The following ARHGAP24 variants were observed in gnomAD, a reference collection of about 807,000 sequenced individuals.
ARHGAP24 encodes rho GTPase-activating protein 24.
A neutral mutation model predicts 76.4 loss-of-function variants in ARHGAP24; 50 were observed. That is an observed-to-expected ratio of 0.65 (90% CI 0.52 to 0.83). The LOEUF (loss-of-function observed/expected upper bound fraction) is 0.83, where lower values mean the gene tolerates loss of function less well. Among genes scored for constraint, ARHGAP24 ranks in the 40% least tolerant of loss-of-function variants. ARHGAP24 has a pLI of 0.00. For missense variants in ARHGAP24, 930 were observed against 914.2 expected (o/e 1.02, Z -0.22); for synonymous variants, 345 against 323.3 (o/e 1.07, Z -0.72).
At chr4:85,582,384 A>T (rs1727649757) in intron 2 of ARHGAP24, among the ~76,000 whole-genome samples, 1 of 152,108 alleles carries the variant, frequency 6.6e-6, no homozygotes, top group African/African-American at 2.4e-5. Context: ...TGATAAATAT[A>T]GTGTTTATTT....
chr4:85,820,411 A>G (rs1415725822), intron 3 of ARHGAP24, among the ~76,000 whole-genome samples: 1 of 152,138 alleles, frequency 6.6e-6, no homozygotes, highest in African/African-American at 2.4e-5. Context: ...ACATGCTCTC[A>G]CTTATAAGTG....
At chr4:85,816,763 T>C (rs1375195826) in intron 3 of ARHGAP24, among the ~76,000 whole-genome samples, 1 of 152,182 alleles carries the variant, frequency 6.6e-6, no homozygotes, top group Admixed American at 6.5e-5. Flanking sequence ...ACTGATTTCA[T>C]TTAATTGGAT....
At chr4:85,605,547 A>G (rs1720166204) in intron 2 of ARHGAP24, among the ~76,000 whole-genome samples, 1 of 152,226 alleles carries the variant, frequency 6.6e-6, no homozygotes, top group South Asian at 2.1e-4. Context: ...CATTCATACA[A>G]CAAGAGCTAT....
intron 4 of ARHGAP24, among the ~76,000 whole-genome samples, chr4:85,936,665 T>C (rs1291384528): frequency 6.6e-6 from 1 of 152,166 alleles, no homozygotes; most frequent in Non-Finnish European, 1.5e-5. Context: ...AAATAAATAA[T>C]TTCCATGCAA....
At chr4:85,778,824 G>A (rs1289685444) in intron 3 of ARHGAP24, 13 of 985,254 alleles carry the variant, frequency 1.3e-5, no homozygotes, top group African/African-American at 1.7e-5. Flanking sequence ...TGAAAGGAAT[G>A]GTTTGTGTCC....
intron 2 of ARHGAP24, among the ~76,000 whole-genome samples, chr4:85,714,340 G>A (rs1724653041): frequency 6.6e-6 from 1 of 152,088 alleles, no homozygotes; most frequent in Non-Finnish European, 1.5e-5. Flanking sequence ...ATGCTCTCCT[G>A]TTAGTCTCCT....
chr4:85,570,418 C>A, intron 1 of ARHGAP24, 104 bp from the exon 2 acceptor site: 7 of 339,778 alleles, frequency 2.1e-5, no homozygotes, highest in African/African-American at 4.7e-5. Flanking sequence ...TTCTTTCTTT[C>A]CTCTCTCTCT....
chr4:85,664,005 G>C (rs74921001), intron 2 of ARHGAP24, among the ~76,000 whole-genome samples: 142,113 of 151,240 alleles, frequency 0.94, 66,864 homozygotes, highest in African/African-American at 0.98. Flanking sequence ...CTCTGCCCAG[G>C]TTTGGTATCA....
intron 3 of ARHGAP24, chr4:85,723,372 A>G (rs1377027906): frequency 6.6e-6 from 1 of 152,210 alleles, no homozygotes; most frequent in Non-Finnish European, 1.5e-5. Context: ...TATTTTCAAT[A>G]CTGTTTTAGA....
chr4:85,914,721 G>A (rs979930991), intron 3 of ARHGAP24, among the ~76,000 whole-genome samples: 7 of 152,100 alleles, frequency 4.6e-5, no homozygotes, highest in African/African-American at 1.4e-4. Context: ...ACCGTTAGAG[G>A]ACATCCTGAT....
rs540564557 is a variant in ARHGAP24 at position 85,950,905 on chromosome 4, C to T, written c.599+8632C>T. Among the ~76,000 whole-genome samples the T allele has an allele frequency of 7.2e-5, 11 of 152,224 alleles. No homozygotes were observed. The South Asian group carries it at 2.3e-3, about 32-fold the overall frequency. ...TGTTGGCTAGGCTGGTCTTGAACTC[C>T]TGACCTCAGGTGATCCACCCACCTC... On this transcript the variant is annotated intron_variant, in intron 5 of 9. Coordinates refer to ENST00000395184, the MANE Select transcript of ARHGAP24 (RefSeq NM_001025616.3).
chr4:85,675,817 G>T (rs922290624), intron 2 of ARHGAP24, among the ~76,000 whole-genome samples: 2 of 152,056 alleles, frequency 1.3e-5, no homozygotes, highest in Non-Finnish European at 2.9e-5. Context: ...TGATGTTTAT[G>T]TGCTCCTATC....
chr4:85,577,787 A>C (rs1026196369), intron 2 of ARHGAP24, among the ~76,000 whole-genome samples: 4 of 152,216 alleles, frequency 2.6e-5, no homozygotes, highest in African/African-American at 9.6e-5. Context: ...TCAAAGGAAT[A>C]ATTTAACCTG....
At chr4:85,495,768 C>T (rs532275703) in intron 1 of ARHGAP24, among the ~76,000 whole-genome samples, 73 of 152,152 alleles carry the variant, frequency 4.8e-4, no homozygotes, top group Non-Finnish European at 9.0e-4. Context: ...GCATGGCAGG[C>T]GTTGAAAGCA....
Position 85,878,676 on chromosome 4 carries a change from A to G in ARHGAP24, c.269-44972A>G, listed in dbSNP as rs192050961. ...AGATACATGGACCTTGACATTTCTG[A>G]TCTTGCATAATCCATTTGTTTCTGT... On this transcript the variant is annotated intron_variant, in intron 3 of 9. Coordinates refer to ENST00000395184, the MANE Select transcript of ARHGAP24 (RefSeq NM_001025616.3). Among the ~76,000 whole-genome samples the G allele has an allele frequency of 3.9e-5, 6 of 152,224 alleles. No homozygotes were observed. The East Asian group carries it at 9.6e-4, about 24-fold the overall frequency.
intron 1 of ARHGAP24, among the ~76,000 whole-genome samples, chr4:85,561,014 C>T (rs571294687): frequency 1.3e-5 from 2 of 152,328 alleles, no homozygotes; most frequent in South Asian, 4.1e-4. Context: ...ACTTATTCAT[C>T]AGTTTGCCAT....
chr4:85,974,927 G>T lies in ARHGAP24; in HGVS notation c.772G>T (p.Val258Leu). The T allele has an allele frequency of 6.2e-7, 1 of 1,613,920 alleles. No individual in the cohort carries two copies. The highest frequency in any genetic ancestry group is 8.5e-7 in the Non-Finnish European group (1 of 1,179,892). The change falls in exon 7 of 10, where the codon GTG becomes TTG. Residue 258 changes from valine (V) to leucine (L), a missense_variant. Physicochemically the swap from Val to Leu is conservative, Grantham distance 32. Transcript: ENST00000395184. ...ELAKQVKSLP[V>L]VNYNLLKYIC... ...AGCAAAGCAGGTGAAGAGTTTGCCA[G>T]TGGTAAATTACAACCTCCTCAAGTA...
chr4:85,882,441 T>C (rs1456619044), intron 3 of ARHGAP24, among the ~76,000 whole-genome samples: 1 of 152,162 alleles, frequency 6.6e-6, no homozygotes, highest in Non-Finnish European at 1.5e-5. Context: ...CCCCTGATAA[T>C]TAAGATGATA....
chr4:85,528,047 A>G (rs1725083871), intron 1 of ARHGAP24, among the ~76,000 whole-genome samples: 2 of 152,092 alleles, frequency 1.3e-5, no homozygotes. Context: ...GGTGAGTGCT[A>G]CAATAGCAGT....
Sources: gnomAD v4.1 joint callset for allele counts (sites outside exome capture counted in the v4.1 genomes callset) on GRCh38, gnomAD v4.1.1 for gene constraint, MANE v1.5 for transcripts, NCBI Gene and HGNC (gene_info 2026-07-23, HGNC 2026-07-21) for gene names.